FHIT: variants seen among roughly 807,000 people sequenced by gnomAD.
FHIT encodes the protein fragile histidine triad diadenosine triphosphatase.
Under a neutral mutation model 17.9 loss-of-function variants are expected in FHIT, and 19 were observed. The ratio of observed to expected loss-of-function variants is 1.06; its 90% CI spans 0.74 to 1.56. FHIT has a LOEUF of 1.56. Ranked by LOEUF, FHIT falls within the 40% of genes most tolerant of loss-of-function variation. FHIT has a pLI of 0.00. For missense variants in FHIT, 248 were observed against 189.2 expected (o/e 1.31, Z -1.82); for synonymous variants, 81 against 69.7 (o/e 1.16, Z -0.81).
chr3:60,314,370 G>A (rs903481226), intron 5 of FHIT, among the ~76,000 whole-genome samples: 9 of 152,100 alleles, frequency 5.9e-5, no homozygotes, highest in African/African-American at 1.9e-4. Flanking sequence ...ACAGTTAACT[G>A]TAGGCCGTGA....
chr3:59,799,659 G>A (rs1699916743), intron 8 of FHIT, among the ~76,000 whole-genome samples: 1 of 152,160 alleles, frequency 6.6e-6, no homozygotes. Context: ...ATAGGGAAGA[G>A]AAGAGACCCT....
rs11928686 is a variant in FHIT at position 60,235,017 on chromosome 3, C to G, written c.104-220865G>C. On this transcript the variant is annotated intron_variant, in intron 5 of 9. Coordinates refer to ENST00000492590, the MANE Select transcript of FHIT (RefSeq NM_002012.4). ...GTAGGTGACCCAAGTGCATCAGGAG[C>G]AGTTTCGAACAAGGTGTAACTTCTC... 9.9e-3 allele frequency among the ~76,000 whole-genome samples: 1,513 copies of G among 152,166 alleles called. 31 individuals carry two copies. Among genetic ancestry groups the G allele is most frequent in the African/African-American group, 0.034 (1,426 of 41,500 alleles).
chr3:60,291,987 T>C (rs968268919), intron 5 of FHIT, among the ~76,000 whole-genome samples: 3 of 152,120 alleles, frequency 2.0e-5, no homozygotes, highest in African/African-American at 7.2e-5. Context: ...AGATGATAGA[T>C]TCCGGTGATT....
chr3:59,987,245 G>C (rs1032858333), intron 7 of FHIT, among the ~76,000 whole-genome samples: 6 of 150,684 alleles, frequency 4.0e-5, no homozygotes, highest in Admixed American at 1.3e-4. Flanking sequence ...CTGAAACTCT[G>C]TAAAAGTTTT....
chr3:61,082,959 G>A (rs1006781911), intron 2 of FHIT, among the ~76,000 whole-genome samples: 1 of 152,098 alleles, frequency 6.6e-6, no homozygotes, highest in Admixed American at 6.5e-5. Flanking sequence ...TGGTATGGCC[G>A]TAGACTACCT....
At chr3:60,565,528 G>C (rs1311893163) in intron 4 of FHIT, among the ~76,000 whole-genome samples, 1 of 152,056 alleles carries the variant, frequency 6.6e-6, no homozygotes, top group East Asian at 1.9e-4. Context: ...GAGAGCAATG[G>C]ATTTCATTTA....
At chr3:60,244,172 A>T (rs1425911249) in intron 5 of FHIT, among the ~76,000 whole-genome samples, 1 of 152,086 alleles carries the variant, frequency 6.6e-6, no homozygotes, top group Non-Finnish European at 1.5e-5. Flanking sequence ...ATATAATCTG[A>T]CAAATTTTCA....
intron 5 of FHIT, among the ~76,000 whole-genome samples, chr3:60,222,158 C>G (rs1703992959): frequency 6.6e-6 from 1 of 152,170 alleles, no homozygotes; most frequent in Non-Finnish European, 1.5e-5. Context: ...CAAATCAACT[C>G]TTTGAAATTC....
intron 5 of FHIT, among the ~76,000 whole-genome samples, chr3:60,060,614 A>G (rs558013460): frequency 1.2e-3 from 186 of 152,344 alleles, no homozygotes; most frequent in Non-Finnish European, 2.3e-3. Context: ...ACTGTGGCAC[A>G]TTTGGGAAGA....
At chr3:59,755,745 G>C (rs1701181723) in intron 8 of FHIT, among the ~76,000 whole-genome samples, 1 of 152,188 alleles carries the variant, frequency 6.6e-6, no homozygotes. Context: ...TTCTTAGTGA[G>C]ATGGGATTAC....
intron 8 of FHIT, among the ~76,000 whole-genome samples, chr3:59,760,783 C>T (rs1701469917): frequency 6.6e-6 from 1 of 152,098 alleles, no homozygotes; most frequent in African/African-American, 2.4e-5. Context: ...ACACTGCCTC[C>T]TGGATCTGCA....
At chr3:60,335,302 A>T (rs896018262) in intron 5 of FHIT, among the ~76,000 whole-genome samples, 1 of 152,230 alleles carries the variant, frequency 6.6e-6, no homozygotes, top group African/African-American at 2.4e-5. Flanking sequence ...TGCACCAAAA[A>T]TATCTAGAAA....
At chr3:60,710,978 G>C (rs1275378462) in intron 4 of FHIT, among the ~76,000 whole-genome samples, 4 of 152,172 alleles carry the variant, frequency 2.6e-5, no homozygotes, top group Admixed American at 2.0e-4. Flanking sequence ...TCCTCAAGTG[G>C]GTCCCTGACC....
chr3:61,013,605 A>C (rs1047774989), intron 3 of FHIT, among the ~76,000 whole-genome samples: 3 of 152,190 alleles, frequency 2.0e-5, no homozygotes, highest in African/African-American at 7.2e-5. Flanking sequence ...CCAACAAGGC[A>C]AAAAAGGAAA....
intron 8 of FHIT, among the ~76,000 whole-genome samples, chr3:59,784,157 T>C (rs566715128): frequency 6.6e-6 from 1 of 152,348 alleles, no homozygotes; most frequent in South Asian, 2.1e-4. Flanking sequence ...AAAACATTTT[T>C]GAGCACCTAT....
intron 5 of FHIT, among the ~76,000 whole-genome samples, chr3:60,078,611 G>T (rs576943366): frequency 6.6e-6 from 1 of 152,136 alleles, no homozygotes; most frequent in African/African-American, 2.4e-5. Flanking sequence ...CATAAGGTCT[G>T]CAGACCAGAA....
intron 5 of FHIT, among the ~76,000 whole-genome samples, chr3:60,065,132 C>G (rs1178250910): frequency 1.3e-5 from 2 of 152,102 alleles, no homozygotes; most frequent in Admixed American, 6.5e-5. Context: ...GAAGACCTTC[C>G]AGACCAAAAC....
chr3:59,815,146 G>T (rs1447352872), intron 8 of FHIT, among the ~76,000 whole-genome samples: 1 of 152,100 alleles, frequency 6.6e-6, no homozygotes, highest in Non-Finnish European at 1.5e-5. Context: ...TACCTGCTTT[G>T]CTGGCTGCCT....
intron 1 of FHIT, among the ~76,000 whole-genome samples, chr3:61,201,381 C>T (rs925481034): frequency 6.6e-6 from 1 of 152,170 alleles, no homozygotes; most frequent in African/African-American, 2.4e-5. Context: ...TATCGTGAAG[C>T]TGGTTCTTTA....
Sources: allele counts gnomAD v4.1 joint callset (sites outside exome capture counted in the v4.1 genomes callset), GRCh38; gene constraint gnomAD v4.1.1; transcripts MANE v1.5; gene names NCBI Gene and HGNC (gene_info 2026-07-23, HGNC 2026-07-21).